Variants in ATF6B observed in about 807,000 individuals in gnomAD.
ATF6B encodes the protein cyclic AMP-dependent transcription factor ATF-6 beta.
In ATF6B, 50 loss-of-function variants were observed where a neutral mutation model predicts 83.5. The ratio of observed to expected loss-of-function variants is 0.60; its 90% CI spans 0.48 to 0.76. The LOEUF (loss-of-function observed/expected upper bound fraction) is 0.76, where lower values mean the gene tolerates loss of function less well. Ranked by LOEUF, ATF6B falls within the 30% of genes least tolerant of loss-of-function variation. The pLI is 0.00. For synonymous variants in ATF6B, 344 were observed against 362.8 expected (o/e 0.95, Z 0.59); for missense variants, 790 against 893.8 (o/e 0.88, Z 1.48).
intron 5 of ATF6B, among the ~76,000 whole-genome samples, chr6:32,122,005 G>A (rs1420335142): frequency 6.6e-6 from 1 of 152,184 alleles, no homozygotes; most frequent in Admixed American, 6.5e-5. Context: ...GAAGTGGCAG[G>A]GGGGTCTCCA....
chr6:32,121,248 G>C lies in ATF6B; in HGVS notation c.564+15C>G, dbSNP rs1206307497. The C allele has an allele frequency of 6.2e-7, 1 of 1,613,658 alleles. No individual in the cohort carries two copies. The highest frequency in any genetic ancestry group is 1.1e-5 in the South Asian group (1 of 91,030). The stretch of plus-strand genomic sequence containing the variant: ...CACTGGAAAACCTGGAGGAAGGAAG[G>C]AAGGTGGTGCTCACCTGGCTGGAGG... On this transcript the variant is annotated intron_variant, in intron 6 of 17. Coordinates refer to ENST00000375203, the MANE Select transcript of ATF6B (RefSeq NM_004381.5).
rs946732634 is a variant in ATF6B at position 32,119,279 on chromosome 6, A to G, written c.967-138T>C. 3.1e-5 allele frequency: 32 copies of G among 1,033,040 alleles called. No individual in the cohort carries two copies. Among genetic ancestry groups the G allele is most frequent in the Middle Eastern group, 3.2e-4 (1 of 3,132 alleles). 64.0% of individuals were successfully genotyped at this position (1,033,040 alleles called of 1,614,324 possible). On this transcript the variant is annotated intron_variant, in intron 9 of 17. Transcript: ENST00000375203. This position sits in a 1 kb window ranked among gnomAD's most constrained non-coding sequence, Gnocchi z 4.9. Reference sequence around the variant, plus strand: ...TCCTGACCCACCTACATAGCCAGAGAGGTTTTTCCTCTCTACTCAAACACG... The same window carrying G: ...TCCTGACCCACCTACATAGCCAGAGGGGTTTTTCCTCTCTACTCAAACACG...
At position 32,125,622 on chromosome 6, in the gene ATF6B, G is replaced by T. The variant is rs185234659; in HGVS notation, c.478+495C>A. Among the ~76,000 whole-genome samples, 3 of 152,016 alleles carry T rather than the reference G, an allele frequency of 2.0e-5. No individual in the cohort carries two copies. The highest frequency in any genetic ancestry group is 4.4e-5 in the Non-Finnish European group (3 of 67,998). ...TAAAAATACAAAAAATTAGCTGGGC[G>T]TGGTGGTGGGTGCCTGTAATCCCAG... is the stretch of plus-strand genomic sequence containing the variant. On this transcript the variant is annotated intron_variant, in intron 5 of 17. Transcript: ENST00000375203. The surrounding 1 kb of genome is among the most constrained non-coding windows in gnomAD (Gnocchi z 4.1).
chr6:32,117,931 A>T lies in ATF6B; in HGVS notation c.1352T>A (p.Val451Asp). 1 of 1,610,220 alleles carries T rather than the reference A, an allele frequency of 6.2e-7. No individual in the cohort carries two copies. Among genetic ancestry groups the T allele is most frequent in the Non-Finnish European group, 8.5e-7 (1 of 1,178,278 alleles). ...GFSEQEPVQG[V>D]EPLQGSSQGP... ...CTGGGAGGACCCCTGGAGAGGTTCA[A>T]CTCCCTGAACTGGCTCTTGCTCTGA... The change falls in exon 12 of 18, where the codon GTT (valine) becomes GAT (aspartate). Residue 451 changes from valine to aspartate, a missense_variant. Transcript: ENST00000375203. The surrounding 1 kb of genome is among the most constrained non-coding windows in gnomAD (Gnocchi z 5.0).
rs747515748 is a variant in ATF6B at position 32,116,757 on chromosome 6, A to G, written c.1744T>C (p.Leu582=). 4.3e-6 allele frequency: 7 copies of G among 1,614,204 alleles called. 1 individual carries two copies. The South Asian group carries it at 7.7e-5, about 18-fold the overall frequency. Residue 582 remains leucine (L), a synonymous_variant, in exon 16 of 18, where the codon TTG becomes CTG. Coordinates refer to ENST00000375203, the MANE Select transcript of ATF6B (RefSeq NM_004381.5). This position sits in a 1 kb window ranked among gnomAD's most constrained non-coding sequence, Gnocchi z 5.1. ...TCTTCCCGTCGGTCAATTGCATCCA[A>G]GAATGCTGGCTGCGAACGGTCTGGG... is the stretch of plus-strand genomic sequence containing the variant. ...RHPDRSQPAF[L]DAIDRREDTF... is the part of the protein sequence containing the mutation.
rs1781955603 is a variant in ATF6B at position 32,125,974 on chromosome 6, C to T, written c.478+143G>A. On this transcript the variant is annotated intron_variant, in intron 5 of 17. Transcript: ENST00000375203. This position sits in a 1 kb window ranked among gnomAD's most constrained non-coding sequence, Gnocchi z 4.1. ...TTTCCTCTCCTTCCTGCCTTCCCTC[C>T]TGGTTTTCTGCCATTTCCCCTCCCC... The T allele has an allele frequency of 9.6e-6, 12 of 1,253,622 alleles. No homozygotes were observed. In the Middle Eastern group the frequency reaches 2.0e-3, roughly 206 times the overall value. The allele number at this position is 1,253,622 out of a possible 1,614,324, so 77.7% of individuals were successfully genotyped here.
chr6:32,116,030 A>C lies in ATF6B; in HGVS notation c.1883-62T>G. Reference sequence around the variant, plus strand: ...GAGGCAAACAGGGATTGCAGGGAGGAGGGGAGGAGGTCAGAAAAGTAGAGG... The same window carrying C: ...GAGGCAAACAGGGATTGCAGGGAGGCGGGGAGGAGGTCAGAAAAGTAGAGG... On this transcript the variant is annotated intron_variant, in intron 17 of 17. Coordinates refer to ENST00000375203, the MANE Select transcript of ATF6B (RefSeq NM_004381.5). The surrounding 1 kb of genome is among the most constrained non-coding windows in gnomAD (Gnocchi z 5.1). 1 of 1,327,750 alleles carries C rather than the reference A, an allele frequency of 7.5e-7. No individual in the cohort carries two copies. The highest frequency in any genetic ancestry group is 1.1e-6 in the Non-Finnish European group (1 of 944,052). The allele number at this position is 1,327,750 out of a possible 1,614,324, so 82.2% of individuals were successfully genotyped here.
Position 32,120,913 on chromosome 6 carries a change from G to GT in ATF6B, c.701-12dup. On this transcript the variant is annotated splice_polypyrimidine_tract_variant and intron_variant, in intron 7 of 17. Coordinates refer to ENST00000375203, the MANE Select transcript of ATF6B (RefSeq NM_004381.5). Reference sequence around the variant, plus strand: ...TGGGCAGGGCTTTGCCTGAAGGAAGGTGAGAGAAAAGAACAAGAAATGTCA... The same window carrying GT: ...TGGGCAGGGCTTTGCCTGAAGGAAGGTTGAGAGAAAAGAACAAGAAATGTCA... The GT allele has an allele frequency of 2.0e-6, 3 of 1,528,286 alleles. No individual in the cohort carries two copies. The highest frequency in any genetic ancestry group is 2.6e-6 in the Non-Finnish European group (3 of 1,139,102). 94.7% of individuals were successfully genotyped at this position (1,528,286 alleles called of 1,614,324 possible). A position where few individuals can be genotyped will look rare whatever the true frequency, so the allele number is the denominator to read the frequency against.
Position 32,121,023 on chromosome 6 carries a change from C to T in ATF6B, c.666G>A (p.Gln222=). ...CATCAAGGGATGGGCCCATGCTGATCTGGACAGCTCCAAGTGAGGGGGCTG... is the reference window on the plus strand; with the variant it reads ...CATCAAGGGATGGGCCCATGCTGATTTGGACAGCTCCAAGTGAGGGGGCTG... ...DVPAPSLGAV[Q]ISMGPSLDGS... Residue 222 remains glutamine (Q), a synonymous_variant, in exon 7 of 18, where the codon CAG becomes CAA. Transcript: ENST00000375203. The T allele has an allele frequency of 3.2e-6, 5 of 1,541,634 alleles. No individual in the cohort carries two copies. The highest frequency in any genetic ancestry group is 4.4e-6 in the Non-Finnish European group (5 of 1,148,200).
intron 5 of ATF6B, among the ~76,000 whole-genome samples, chr6:32,124,296 A>G (rs1046976749): frequency 6.6e-6 from 1 of 152,200 alleles, no homozygotes; most frequent in Admixed American, 6.5e-5. Context: ...TCCAGTGAAC[A>G]GTAACATCAC....
chr6:32,127,985 G>A (rs1782059674), intron 1 of ATF6B, 132 bp downstream of exon 1: 1 of 1,114,270 alleles, frequency 9.0e-7, no homozygotes, highest in Admixed American at 2.1e-5. Flanking sequence ...AATGCACAAC[G>A]AGCCCCCTGC....
chr6:32,119,324 T>C lies in ATF6B; in HGVS notation c.967-183A>G, dbSNP rs1254366866. Among the ~76,000 whole-genome samples, 2 of 152,172 alleles carry C rather than the reference T, an allele frequency of 1.3e-5. No homozygotes were observed. The highest frequency in any genetic ancestry group is 2.4e-5 in the African/African-American group (1 of 41,434). ...AACACGCTAGGGAAGGGGCCCTTCT[T>C]TCAAACATTCCCTGCTACTGCTCCT... On this transcript the variant is annotated intron_variant, in intron 9 of 17. Transcript: ENST00000375203. The surrounding 1 kb of genome is among the most constrained non-coding windows in gnomAD (Gnocchi z 4.9).
Position 32,117,503 on chromosome 6 carries a change from C to A in ATF6B, c.1532+84G>T. 6.3e-7 allele frequency: 1 copy of A among 1,592,650 alleles called. No individual in the cohort carries two copies. Among genetic ancestry groups the A allele is most frequent in the South Asian group, 1.1e-5 (1 of 89,612 alleles). ...GAGGAGAGGGCAGGGAGCACTGGCG[C>A]TTTAGTACACAGGCCAGCCAGGCTG... is the stretch of plus-strand genomic sequence containing the variant. On this transcript the variant is annotated intron_variant, in intron 13 of 17. Coordinates refer to ENST00000375203, the MANE Select transcript of ATF6B (RefSeq NM_004381.5). The surrounding 1 kb of genome is among the most constrained non-coding windows in gnomAD (Gnocchi z 5.0).
chr6:32,116,304 T>C lies in ATF6B; in HGVS notation c.1882+176A>G, dbSNP rs375324796. Among the ~76,000 whole-genome samples the C allele has an allele frequency of 4.6e-5, 7 of 152,212 alleles. No homozygotes were observed. Among genetic ancestry groups the C allele is most frequent in the African/African-American group, 1.7e-4 (7 of 41,524 alleles). ...CTTCACCAGGGAAGGACCCTCACCC[T>C]TGTCTCCCTCCCAAGTCTCCTGCAT... On this transcript the variant is annotated intron_variant, in intron 17 of 17. Transcript: ENST00000375203. The surrounding 1 kb of genome is among the most constrained non-coding windows in gnomAD (Gnocchi z 5.1).
intron 5 of ATF6B, 71 bp from the exon 6 acceptor site, chr6:32,121,419 G>C: frequency 6.8e-7 from 1 of 1,464,810 alleles, no homozygotes; most frequent in Non-Finnish European, 9.4e-7. Flanking sequence ...GTTAAGATGG[G>C]AGGCTGGGCA....
chr6:32,117,379 C>T lies in ATF6B; in HGVS notation c.1558G>A (p.Val520Ile). 1 of 1,614,114 alleles carries T rather than the reference C, an allele frequency of 6.2e-7. No individual in the cohort carries two copies. The highest frequency in any genetic ancestry group is 1.7e-5 in the Admixed American group (1 of 60,024). ...CTCCGGCCTCTCTGGTGGCGCTGGA[C>T]CCAGCCACTCAACTCGTCAGCAAGC... The part of the protein sequence containing the change: ...LRLADELSGW[V>I]QRHQRGRRKI... Residue 520 changes from valine to isoleucine, a missense_variant, in exon 14 of 18, where the codon GTC (valine) becomes ATC (isoleucine). Around this residue, in one of 3 missense-constraint regions of ATF6B, gnomAD observed 530 missense variants for 632.6 expected, o/e 0.84. Coordinates refer to ENST00000375203, the MANE Select transcript of ATF6B (RefSeq NM_004381.5). This position sits in a 1 kb window ranked among gnomAD's most constrained non-coding sequence, Gnocchi z 5.0.
chr6:32,122,533 G>A (rs755979142), intron 5 of ATF6B, among the ~76,000 whole-genome samples: 1 of 151,856 alleles, frequency 6.6e-6, no homozygotes, highest in Non-Finnish European at 1.5e-5. Context: ...AAATCCAAAC[G>A]AACAAAGGAA....
At chr6:32,127,264 A>AG (rs1782020660) in intron 3 of ATF6B, 70 bp from the exon 4 acceptor site, 2 of 1,454,114 alleles carry the variant, frequency 1.4e-6, no homozygotes, top group Non-Finnish European at 1.9e-6. Flanking sequence ...ACCCAAGGAC[A>AG]TGTCGGTGGG....
Position 32,118,032 on chromosome 6 carries a change from A to G in ATF6B, c.1251T>C (p.Ser417=). The part of the protein sequence containing the change: ...IAFNFGPVSI[S]EPPSAPISPR... ...GAGAGATGGGAGCTGAAGGAGGCTCACTGATGCTGTGGATAAAGAAGGACT... is the reference window on the plus strand; with the variant it reads ...GAGAGATGGGAGCTGAAGGAGGCTCGCTGATGCTGTGGATAAAGAAGGACT... Residue 417 remains serine (S), a synonymous_variant, in exon 12 of 18, where the codon AGT becomes AGC. Coordinates refer to ENST00000375203, the MANE Select transcript of ATF6B (RefSeq NM_004381.5). The surrounding 1 kb of genome is among the most constrained non-coding windows in gnomAD (Gnocchi z 5.2). 1 of 1,614,188 alleles carries G rather than the reference A, an allele frequency of 6.2e-7. No individual in the cohort carries two copies. The highest frequency in any genetic ancestry group is 8.5e-7 in the Non-Finnish European group (1 of 1,180,036).
Sources: gnomAD v4.1 joint callset for allele counts (sites outside exome capture counted in the v4.1 genomes callset) on GRCh38, gnomAD v4.1.1 for gene constraint, gnomAD v4.1.1 regional missense constraint, Gnocchi (gnomAD v3.1) non-coding constraint, MANE v1.5 for transcripts, NCBI Gene and HGNC (gene_info 2026-07-23, HGNC 2026-07-21) for gene names.